GRM5: variants seen among roughly 807,000 people sequenced by gnomAD.
GRM5 encodes the protein metabotropic glutamate receptor 5.
Under a neutral mutation model 83.1 loss-of-function variants are expected in GRM5, and 19 were observed. The ratio of observed to expected loss-of-function variants is 0.23; its 90% CI spans 0.16 to 0.34. The LOEUF (loss-of-function observed/expected upper bound fraction) is 0.34. Among genes scored for constraint, GRM5 ranks in the 10% least tolerant of loss-of-function variants. GRM5 has a pLI of 1.00. For missense variants in GRM5, 1,160 were observed against 1,588.3 expected, an observed-to-expected ratio of 0.73 and a Z score of 4.58; for synonymous variants, 675 against 633.6, an observed-to-expected ratio of 1.07 and a Z score of -0.98.
rs369194162 is a variant in GRM5 at position 88,923,637 on chromosome 11, G to A, written c.662-73482C>T. Among the ~76,000 whole-genome samples the A allele has an allele frequency of 7.2e-5, 11 of 151,944 alleles. No homozygotes were observed. In the East Asian group the frequency reaches 9.6e-4, roughly 13 times the overall value. ...AATGAATAATATCTAGTATTTGATA[G>A]CATAGCAGGGTGACTACACTCAACA... is the stretch of plus-strand genomic sequence containing the variant. On this transcript the variant is annotated intron_variant, in intron 2 of 9. Coordinates refer to ENST00000305447, the MANE Select transcript of GRM5 (RefSeq NM_001143831.3).
At chr11:88,632,935 T>C (rs1939017250) in intron 4 of GRM5, among the ~76,000 whole-genome samples, 1 of 152,238 alleles carries the variant, frequency 6.6e-6, no homozygotes, top group African/African-American at 2.4e-5. Context: ...TAATGATTAA[T>C]CATATTGAGC....
intron 2 of GRM5, among the ~76,000 whole-genome samples, chr11:89,031,683 AG>A (rs1941266709): frequency 6.6e-6 from 1 of 152,044 alleles, no homozygotes; most frequent in South Asian, 2.1e-4. Flanking sequence ...AAATGTTAAA[AG>A]GTTTTATTTC....
At chr11:88,683,307 C>T (rs992013354) in intron 3 of GRM5, among the ~76,000 whole-genome samples, 4 of 152,186 alleles carry the variant, frequency 2.6e-5, no homozygotes, top group African/African-American at 9.7e-5. Flanking sequence ...ACTTGGTTTG[C>T]ACTCTATTCC....
chr11:88,611,706 A>G (rs186457413), intron 4 of GRM5, among the ~76,000 whole-genome samples: 106 of 152,120 alleles, frequency 7.0e-4, no homozygotes, highest in Admixed American at 6.2e-3. Context: ...TCACATCTCA[A>G]TTTCAATCAT....
chr11:88,640,066 G>A (rs1939247843), intron 4 of GRM5, among the ~76,000 whole-genome samples: 1 of 152,072 alleles, frequency 6.6e-6, no homozygotes, highest in Admixed American at 6.6e-5. Context: ...ATAGCTTTAT[G>A]TTCTATTTCC....
At chr11:88,840,624 A>G (rs1052194474) in intron 3 of GRM5, among the ~76,000 whole-genome samples, 6 of 152,168 alleles carry the variant, frequency 3.9e-5, no homozygotes, top group Admixed American at 6.5e-5. Context: ...CTTTTTCCAT[A>G]ACAACAATTG....
At chr11:88,764,853 A>G (rs1942597625) in intron 3 of GRM5, among the ~76,000 whole-genome samples, 1 of 151,636 alleles carries the variant, frequency 6.6e-6, no homozygotes, top group African/African-American at 2.4e-5. Context: ...ATTAGAGCAC[A>G]TATAACTTAA....
intron 1 of GRM5, among the ~76,000 whole-genome samples, chr11:89,048,290 C>CT (rs1264004197): frequency 5.3e-5 from 8 of 152,232 alleles, no homozygotes; most frequent in Admixed American, 3.9e-4. Context: ...GATTAATAGT[C>CT]TTTTTTTGTT....
intron 5 of GRM5, among the ~76,000 whole-genome samples, chr11:88,599,932 G>A (rs1371244637): frequency 1.3e-5 from 2 of 152,184 alleles, no homozygotes; most frequent in African/African-American, 2.4e-5. Context: ...AGAATGGCGT[G>A]AACCCGGGAG....
chr11:88,946,145 C>T (rs1380444661), intron 2 of GRM5, among the ~76,000 whole-genome samples: 2 of 151,986 alleles, frequency 1.3e-5, no homozygotes, highest in African/African-American at 2.4e-5. Flanking sequence ...ATTATCATCG[C>T]TAATCTTCAG....
At position 89,047,875 on chromosome 11, in the gene GRM5, T is replaced by C. The variant is rs1166127386; in HGVS notation, c.-3A>G. 6 of 1,612,122 alleles carry C rather than the reference T, an allele frequency of 3.7e-6. No individual in the cohort carries two copies. The highest frequency in any genetic ancestry group is 4.5e-5 in the East Asian group (2 of 44,846). ...GACAGGATCAACAGAAGGACCATTT[T>C]AGGAAAGGAGTTCAAGCCAATAAAG... On this transcript the variant is annotated 5_prime_UTR_variant, in exon 2 of 10. Coordinates refer to ENST00000305447, the MANE Select transcript of GRM5 (RefSeq NM_001143831.3). This position sits in a 1 kb window ranked among gnomAD's most constrained non-coding sequence, Gnocchi z 5.1.
At chr11:88,560,321 C>T (rs1488165078) in intron 8 of GRM5, among the ~76,000 whole-genome samples, 1 of 152,076 alleles carries the variant, frequency 6.6e-6, no homozygotes, top group Non-Finnish European at 1.5e-5. Context: ...ACTACTTCTA[C>T]CTTTGGGTCC....
Position 89,047,671 on chromosome 11 carries a change from T to C in GRM5, c.202A>G (p.Arg68Gly). Reference sequence around the variant, plus strand: ...AGGGTATGCAGCATGGCCTCCACTCTCTGAATGCCATACTGTTCACGGACC... The same window carrying C: ...AGGGTATGCAGCATGGCCTCCACTCCCTGAATGCCATACTGTTCACGGACC... ...GAVREQYGIQ[R>G]VEAMLHTLER... The change falls in exon 2 of 10, where the codon AGA (arginine) becomes GGA (glycine). Residue 68 changes from arginine (R) to glycine (G), a missense_variant. Physicochemically the swap from Arg to Gly is moderately radical, Grantham distance 125 (BLOSUM62 -2). Coordinates refer to ENST00000305447, the MANE Select transcript of GRM5 (RefSeq NM_001143831.3). This position sits in a 1 kb window ranked among gnomAD's most constrained non-coding sequence, Gnocchi z 5.1. 6.2e-7 allele frequency: 1 copy of C among 1,613,902 alleles called. No homozygotes were observed. The highest frequency in any genetic ancestry group is 8.5e-7 in the Non-Finnish European group (1 of 1,179,810).
At chr11:89,022,215 C>T (rs1211274678) in intron 2 of GRM5, among the ~76,000 whole-genome samples, 1 of 152,028 alleles carries the variant, frequency 6.6e-6, no homozygotes, top group Admixed American at 6.6e-5. Flanking sequence ...CTAAAGGAGC[C>T]AATATTCACT....
chr11:88,680,685 G>A (rs1035156089), intron 3 of GRM5, among the ~76,000 whole-genome samples: 1 of 152,136 alleles, frequency 6.6e-6, no homozygotes, highest in Non-Finnish European at 1.5e-5. Flanking sequence ...GCACACGTAT[G>A]TTATTGTGGC....
chr11:88,985,871 T>C (rs1173158726), intron 2 of GRM5, among the ~76,000 whole-genome samples: 1 of 152,100 alleles, frequency 6.6e-6, no homozygotes, highest in Non-Finnish European at 1.5e-5. Context: ...GTGTCTAAAA[T>C]GCAAAATTAC....
chr11:88,864,052 G>A (rs540845315), intron 2 of GRM5, among the ~76,000 whole-genome samples: 5 of 149,738 alleles, frequency 3.3e-5, no homozygotes, highest in East Asian at 2.0e-4. Flanking sequence ...CTAGGAAAAG[G>A]TCTGTTCATA....
chr11:88,567,832 G>T lies in GRM5; in HGVS notation c.1851C>A (p.Leu617=). The T allele has an allele frequency of 6.2e-7, 1 of 1,614,098 alleles. No homozygotes were observed. Among genetic ancestry groups the T allele is most frequent in the Non-Finnish European group, 8.5e-7 (1 of 1,179,924 alleles). The change falls in exon 8 of 10, where the codon CTC becomes CTA. Residue 617 remains leucine, a synonymous_variant. Coordinates refer to ENST00000305447, the MANE Select transcript of GRM5 (RefSeq NM_001143831.3). This position sits in a 1 kb window ranked among gnomAD's most constrained non-coding sequence, Gnocchi z 7.3. ...TPVVKSSSRE[L]CYIILAGICL... ...AGATGCCAGCAAGGATAATGTAGCA[G>T]AGTTCCCTGCTTGAGGACTTGACTA... is the stretch of plus-strand genomic sequence containing the variant.
chr11:88,537,715 T>C (rs539491698), intron 8 of GRM5, among the ~76,000 whole-genome samples: 16 of 152,328 alleles, frequency 1.1e-4, no homozygotes, highest in Non-Finnish European at 2.2e-4. Context: ...AATGATTTAC[T>C]AGATATTCCA....
Sources: gnomAD v4.1 joint callset for allele counts (sites outside exome capture counted in the v4.1 genomes callset) on GRCh38, gnomAD v4.1.1 for gene constraint, Gnocchi (gnomAD v3.1) non-coding constraint, MANE v1.5 for transcripts, NCBI Gene and HGNC (gene_info 2026-07-23, HGNC 2026-07-21) for gene names.